SGCZ: variants seen among roughly 807,000 people sequenced by gnomAD.
SGCZ encodes the protein zeta-sarcoglycan.
SGCZ carries 40 observed loss-of-function variants against 41.3 expected under a neutral mutation model. The observed-to-expected ratio is 0.97, with a 90% CI of 0.75 to 1.26. SGCZ has a LOEUF of 1.26. Ranked by LOEUF, SGCZ falls within the 50% of genes most tolerant of loss-of-function variation. The pLI, the probability that SGCZ is intolerant of heterozygous loss-of-function variation, is 0.00. For synonymous variants in SGCZ, 206 were observed against 137.5 expected (o/e 1.50, Z -3.49); for missense variants, 552 against 369.8 (o/e 1.49, Z -4.04).
chr8:14,514,850 A>G (rs1802574620), intron 2 of SGCZ, among the ~76,000 whole-genome samples: 1 of 147,032 alleles, frequency 6.8e-6, no homozygotes, highest in Non-Finnish European at 1.5e-5. Flanking sequence ...CACACTGCAT[A>G]TATGAACCCA....
chr8:14,534,476 T>C (rs116192549), intron 2 of SGCZ, among the ~76,000 whole-genome samples: 1,853 of 152,160 alleles, frequency 0.012, 38 homozygotes, highest in African/African-American at 0.042. Flanking sequence ...CTTTCCTTTA[T>C]CCAATCAGTA....
chr8:14,531,540 T>C (rs11203621), intron 2 of SGCZ, among the ~76,000 whole-genome samples: 68,973 of 151,704 alleles, frequency 0.45, 15,838 homozygotes, highest in Middle Eastern at 0.61. Flanking sequence ...AGACGCGAGA[T>C]TTCCCAGTAG....
intron 1 of SGCZ, among the ~76,000 whole-genome samples, chr8:15,045,713 C>A (rs1009715325): frequency 6.6e-6 from 1 of 152,090 alleles, no homozygotes; most frequent in African/African-American, 2.4e-5. Context: ...AAAACAGATT[C>A]TCTCATCAGA....
chr8:14,432,840 G>A (rs1021044280), intron 2 of SGCZ, among the ~76,000 whole-genome samples: 13 of 147,324 alleles, frequency 8.8e-5, no homozygotes, highest in Admixed American at 2.1e-4. Flanking sequence ...CTTGAACCCA[G>A]GAGGAGGAGG....
intron 1 of SGCZ, among the ~76,000 whole-genome samples, chr8:14,558,153 G>A (rs903437443): frequency 6.6e-6 from 1 of 152,104 alleles, no homozygotes; most frequent in Non-Finnish European, 1.5e-5. Flanking sequence ...ATAACAAGCA[G>A]TGAGATTGAA....
intron 1 of SGCZ, among the ~76,000 whole-genome samples, chr8:14,888,939 T>A (rs1804909242): frequency 6.6e-6 from 1 of 152,176 alleles, no homozygotes; most frequent in Non-Finnish European, 1.5e-5. Context: ...ACTTGGTGCA[T>A]ATTTCAAATA....
chr8:14,484,951 G>C (rs1028402566), intron 2 of SGCZ, among the ~76,000 whole-genome samples: 71 of 152,258 alleles, frequency 4.7e-4, no homozygotes, highest in African/African-American at 1.7e-3. Context: ...AATAGCAACA[G>C]TTTGACATTG....
chr8:14,992,948 AC>A (rs1412556431), intron 1 of SGCZ, among the ~76,000 whole-genome samples: 8 of 145,390 alleles, frequency 5.5e-5, no homozygotes, highest in African/African-American at 1.6e-4. Flanking sequence ...CTTGATATTT[AC>A]CCCCCACCCA....
intron 1 of SGCZ, among the ~76,000 whole-genome samples, chr8:15,003,000 G>T (rs552602613): frequency 1.3e-5 from 2 of 152,040 alleles, no homozygotes; most frequent in Non-Finnish European, 2.9e-5. Flanking sequence ...GTGCTCTCTT[G>T]CCTGTCACCA....
rs1027466218 is a variant in SGCZ at position 14,176,488 on chromosome 8, T to G, written c.425-11786A>C. On this transcript the variant is annotated intron_variant, in intron 4 of 7. Transcript: ENST00000382080. ...TATTATTGTCAAAACTTGGGAAATA[T>G]TACCAAGTCAGTACTGACAAAGAAA... 1.5e-4 allele frequency among the ~76,000 whole-genome samples: 23 copies of G among 152,208 alleles called. No homozygotes were observed. In the Middle Eastern group the frequency reaches 9.6e-3, roughly 63 times the overall value.
intron 1 of SGCZ, among the ~76,000 whole-genome samples, chr8:15,011,699 G>A (rs1406490415): frequency 6.6e-6 from 1 of 152,038 alleles, no homozygotes; most frequent in Admixed American, 6.6e-5. Context: ...TTGCCAATCT[G>A]TATGTTCTGT....
chr8:14,563,860 T>C (rs1804279402), intron 1 of SGCZ, among the ~76,000 whole-genome samples: 1 of 152,162 alleles, frequency 6.6e-6, no homozygotes, highest in Non-Finnish European at 1.5e-5. Flanking sequence ...AATTGTATAT[T>C]GAAAAATATA....
chr8:14,639,242 C>G (rs1443314424), intron 1 of SGCZ, among the ~76,000 whole-genome samples: 1 of 151,442 alleles, frequency 6.6e-6, no homozygotes, highest in Non-Finnish European at 1.5e-5. Flanking sequence ...GGAGAGGCAG[C>G]AATCCACTCT....
chr8:14,128,117 A>T (rs1248662728), intron 5 of SGCZ, among the ~76,000 whole-genome samples: 1 of 152,218 alleles, frequency 6.6e-6, no homozygotes, highest in African/African-American at 2.4e-5. Flanking sequence ...GGAGAAAAAA[A>T]TGCTTATACA....
chr8:14,346,677 T>C (rs758453108), intron 2 of SGCZ, among the ~76,000 whole-genome samples: 1 of 151,976 alleles, frequency 6.6e-6, no homozygotes, highest in Non-Finnish European at 1.5e-5. Flanking sequence ...ACTGAAGCTG[T>C]TTTACATTAT....
chr8:14,235,354 T>C (rs982896438), intron 4 of SGCZ, among the ~76,000 whole-genome samples: 2 of 152,190 alleles, frequency 1.3e-5, no homozygotes, highest in Admixed American at 1.3e-4. Flanking sequence ...TAAGCCTCAG[T>C]AGAATAAATG....
intron 2 of SGCZ, among the ~76,000 whole-genome samples, chr8:14,407,996 A>G (rs1437095181): frequency 6.6e-6 from 1 of 152,204 alleles, no homozygotes; most frequent in Admixed American, 6.6e-5. Context: ...ATTTAATGAT[A>G]GACTAATGAT....
At chr8:14,117,523 A>G (rs1055710428) in intron 5 of SGCZ, among the ~76,000 whole-genome samples, 2 of 151,746 alleles carry the variant, frequency 1.3e-5, no homozygotes, top group African/African-American at 4.8e-5. Flanking sequence ...TTTACAAAAT[A>G]AAATTCCAAT....
chr8:14,289,124 T>C (rs1292573893), intron 3 of SGCZ, among the ~76,000 whole-genome samples: 1 of 152,142 alleles, frequency 6.6e-6, no homozygotes, highest in Non-Finnish European at 1.5e-5. Context: ...AACTCAGTTG[T>C]CTTCATGTTT....
Sources: gnomAD v4.1 joint callset for allele counts (sites outside exome capture counted in the v4.1 genomes callset) on GRCh38, gnomAD v4.1.1 for gene constraint, MANE v1.5 for transcripts, NCBI Gene and HGNC (gene_info 2026-07-23, HGNC 2026-07-21) for gene names.